GDPD1: variants seen among roughly 807,000 people sequenced by gnomAD.
GDPD1 encodes the protein lysophospholipase D GDPD1.
Under a neutral mutation model 45.1 loss-of-function variants are expected in GDPD1, and 28 were observed. The ratio of observed to expected loss-of-function variants is 0.62; its 90% CI spans 0.46 to 0.85. GDPD1 has a LOEUF of 0.85. Among genes scored for constraint, GDPD1 ranks in the 40% least tolerant of loss-of-function variants. The pLI, the probability that GDPD1 is intolerant of heterozygous loss-of-function variation, is 0.00. For missense variants in GDPD1, 256 were observed against 364.8 expected (o/e 0.70, Z 2.43); for synonymous variants, 139 against 131.4 (o/e 1.06, Z -0.40).
chr17:59,228,836 T>C (rs1328098168), intron 1 of GDPD1, among the ~76,000 whole-genome samples: 1 of 149,786 alleles, frequency 6.7e-6, no homozygotes, highest in Non-Finnish European at 1.5e-5. Flanking sequence ...GCTCCGACCA[T>C]GCCACTGCAC....
chr17:59,273,728 C>T lies in GDPD1; in HGVS notation c.900C>T (p.Asp300=). 2 of 1,591,228 alleles carry T rather than the reference C, an allele frequency of 1.3e-6. No individual in the cohort carries two copies. The highest frequency in any genetic ancestry group is 1.7e-6 in the Non-Finnish European group (2 of 1,167,612). Residue 300 remains aspartate (D), a synonymous_variant, in exon 10 of 10, where the codon GAC becomes GAT. Coordinates refer to ENST00000284116, the MANE Select transcript of GDPD1 (RefSeq NM_182569.4). Reference sequence around the variant, plus strand: ...TGGGAGCAACTGGGGTGATGACAGACTATCCAACAAAGCTTAGGGATTTTT... The same window carrying T: ...TGGGAGCAACTGGGGTGATGACAGATTATCCAACAAAGCTTAGGGATTTTT... ...FDLGATGVMT[D]YPTKLRDFLH...
chr17:59,249,983 G>C (rs1193254952), intron 4 of GDPD1, among the ~76,000 whole-genome samples: 1 of 151,918 alleles, frequency 6.6e-6, no homozygotes, highest in Non-Finnish European at 1.5e-5. Flanking sequence ...CCAAGAGTTG[G>C]AGTCTAGCTT....
chr17:59,231,035 C>G (rs530009139), intron 1 of GDPD1, among the ~76,000 whole-genome samples: 1 of 152,120 alleles, frequency 6.6e-6, no homozygotes, highest in Admixed American at 6.6e-5. Flanking sequence ...CTTACCAGTC[C>G]GTTATGCTAC....
chr17:59,237,285 C>T (rs2047140161), intron 2 of GDPD1, among the ~76,000 whole-genome samples: 1 of 152,086 alleles, frequency 6.6e-6, no homozygotes, highest in Non-Finnish European at 1.5e-5. Context: ...GCTGTAGTCA[C>T]AGCTACTCTG....
intron 2 of GDPD1, among the ~76,000 whole-genome samples, chr17:59,243,139 A>C (rs1312286479): frequency 6.6e-6 from 1 of 152,106 alleles, no homozygotes; most frequent in Non-Finnish European, 1.5e-5. Flanking sequence ...CATTGACCCA[A>C]GATCACGCCA....
intron 6 of GDPD1, among the ~76,000 whole-genome samples, chr17:59,262,184 TG>T (rs1309443230): frequency 1.3e-5 from 2 of 151,956 alleles, no homozygotes; most frequent in African/African-American, 4.8e-5. Flanking sequence ...CCTCCCAAAG[TG>T]CTGGGATTAC....
Position 59,257,113 on chromosome 17 carries a change from C to G in GDPD1, c.368-9C>G, listed in dbSNP as rs766256451. Reference sequence around the variant, plus strand: ...TTAAAAAATACATTTAAAAATCTTGCTTTCTCAGCATGCCAGTGTGAAGGA... The same window carrying G: ...TTAAAAAATACATTTAAAAATCTTGGTTTCTCAGCATGCCAGTGTGAAGGA... On this transcript the variant is annotated splice_polypyrimidine_tract_variant and intron_variant, in intron 4 of 9. Transcript: ENST00000284116. 5 of 1,427,256 alleles carry G rather than the reference C, an allele frequency of 3.5e-6. No individual in the cohort carries two copies. The highest frequency in any genetic ancestry group is 3.9e-6 in the Non-Finnish European group (4 of 1,033,956). The allele number at this position is 1,427,256 out of a possible 1,614,324, so 88.4% of individuals were successfully genotyped here. A position where few individuals can be genotyped will look rare whatever the true frequency, so the allele number is the denominator to read the frequency against.
At chr17:59,257,552 T>C (rs2047318860) in intron 5 of GDPD1, among the ~76,000 whole-genome samples, 199 bp from the exon 6 acceptor site, 1 of 152,222 alleles carries the variant, frequency 6.6e-6, no homozygotes, top group South Asian at 2.1e-4. Flanking sequence ...AATAACTCTA[T>C]TCTGTTAAAT....
intron 6 of GDPD1, among the ~76,000 whole-genome samples, chr17:59,259,753 AGAAAG>A (rs2047339706): frequency 6.7e-6 from 1 of 148,684 alleles, no homozygotes; most frequent in Non-Finnish European, 1.5e-5. Context: ...AAAAAAAAAA[AGAAAG>A]GAAAAGAAAT....
chr17:59,225,095 T>C (rs1159923295), intron 1 of GDPD1, among the ~76,000 whole-genome samples: 38 of 142,420 alleles, frequency 2.7e-4, no homozygotes, highest in East Asian at 8.0e-4. Context: ...CTTTTCTTTT[T>C]TTTTTTTTTT....
chr17:59,264,423 A>T (rs921246236), intron 6 of GDPD1, among the ~76,000 whole-genome samples: 19 of 152,010 alleles, frequency 1.2e-4, no homozygotes, highest in Non-Finnish European at 2.4e-4. Flanking sequence ...CCTCCAGACT[A>T]GCTGGGATTA....
intron 6 of GDPD1, among the ~76,000 whole-genome samples, chr17:59,259,134 TAA>T (rs1160741376): frequency 2.1e-5 from 3 of 141,222 alleles, no homozygotes; most frequent in African/African-American, 2.6e-5. Flanking sequence ...CTAACTCTAT[TAA>T]AAAAAAAAAA....
chr17:59,256,256 G>A (rs1208329704), intron 4 of GDPD1, among the ~76,000 whole-genome samples: 1 of 152,030 alleles, frequency 6.6e-6, no homozygotes, highest in East Asian at 1.9e-4. Flanking sequence ...GGCAGAGGTT[G>A]CAGTGAGCTG....
intron 1 of GDPD1, among the ~76,000 whole-genome samples, chr17:59,233,525 A>AAG (rs61684923): frequency 7.4e-6 from 1 of 135,092 alleles, no homozygotes; most frequent in East Asian, 2.2e-4. Flanking sequence ...AAAAAAAAAA[A>AAG]AAAAGAAAGA....
chr17:59,234,401 A>AG, intron 1 of GDPD1, 91 bp from the exon 2 acceptor site: 1 of 711,336 alleles, frequency 1.4e-6, no homozygotes, highest in Non-Finnish European at 2.4e-6. Flanking sequence ...AAAAAAAAAA[A>AG]GGTCAAGATT....
At chr17:59,238,220 A>G (rs538373310) in intron 2 of GDPD1, among the ~76,000 whole-genome samples, 1 of 134,924 alleles carries the variant, frequency 7.4e-6, no homozygotes. Flanking sequence ...GTGAGCCAAG[A>G]TTGTGCCATT....
At chr17:59,259,661 A>C (rs1423539922) in intron 6 of GDPD1, among the ~76,000 whole-genome samples, 1 of 150,072 alleles carries the variant, frequency 6.7e-6, no homozygotes, top group Non-Finnish European at 1.5e-5. Flanking sequence ...AGGCAGGAGA[A>C]TTGCTTGAAC....
At chr17:59,238,482 C>T (rs1488508213) in intron 2 of GDPD1, among the ~76,000 whole-genome samples, 1 of 150,218 alleles carries the variant, frequency 6.7e-6, no homozygotes, top group Non-Finnish European at 1.5e-5. Context: ...GGCAAGATCT[C>T]GGCTCACTGC....
At chr17:59,263,221 G>A (rs2047371559) in intron 6 of GDPD1, among the ~76,000 whole-genome samples, 1 of 151,652 alleles carries the variant, frequency 6.6e-6, no homozygotes, top group South Asian at 2.1e-4. Flanking sequence ...TTGTAGAGAT[G>A]GAGTCTCTCT....
Sources: allele counts gnomAD v4.1 joint callset (sites outside exome capture counted in the v4.1 genomes callset), GRCh38; gene constraint gnomAD v4.1.1; transcripts MANE v1.5; gene names NCBI Gene and HGNC (gene_info 2026-07-23, HGNC 2026-07-21).